The following MYO1D variants were observed in gnomAD, a reference collection of about 807,000 sequenced individuals.
MYO1D encodes the protein myosin ID, also known as unconventional myosin-Id.
A neutral mutation model predicts 122.0 loss-of-function variants in MYO1D; 83 were observed. That is an observed-to-expected ratio of 0.68 (90% CI 0.57 to 0.82). MYO1D has a LOEUF of 0.82. Among genes scored for constraint, MYO1D ranks in the 40% least tolerant of loss-of-function variants. MYO1D has a pLI of 0.00. For synonymous variants in MYO1D, 464 were observed against 446.9 expected, an observed-to-expected ratio of 1.04 and a Z score of -0.48; for missense variants, 1,157 against 1,269.5, an observed-to-expected ratio of 0.91 and a Z score of 1.35.
chr17:32,696,543 C>T (rs1295315532), intron 16 of MYO1D, among the ~76,000 whole-genome samples: 2 of 152,312 alleles, frequency 1.3e-5, no homozygotes, highest in Non-Finnish European at 2.9e-5. Context: ...TTTAAGAAGA[C>T]AAGTCCTGAG....
intron 11 of MYO1D, among the ~76,000 whole-genome samples, chr17:32,750,324 C>T (rs1598064098): frequency 6.6e-6 from 1 of 152,022 alleles, no homozygotes; most frequent in South Asian, 2.1e-4. Flanking sequence ...CAAAAGTTTC[C>T]CTGGGGAGGC....
chr17:32,654,334 G>T, intron 18 of MYO1D, 143 bp downstream of exon 18: 1 of 895,932 alleles, frequency 1.1e-6, no homozygotes, highest in Non-Finnish European at 1.7e-6. Context: ...ACATTTAGAA[G>T]CAATAAAATG....
intron 16 of MYO1D, among the ~76,000 whole-genome samples, chr17:32,671,874 C>T (rs1037372519): frequency 2.6e-5 from 4 of 152,162 alleles, no homozygotes; most frequent in African/African-American, 9.7e-5. Flanking sequence ...ATATGGATCC[C>T]GTCTTTATTT....
chr17:32,743,595 A>ATTATTATTATTATTATTG lies in MYO1D; in HGVS notation c.1613+1598_1613+1615dup, dbSNP rs1417579806. On this transcript the variant is annotated intron_variant, in intron 13 of 21. Coordinates refer to ENST00000318217, the MANE Select transcript of MYO1D (RefSeq NM_015194.3). Reference sequence around the variant, plus strand: ...CACTACCACCCAGGCCTCAGCCTGCATTATTATTATTATTATTGTTATTAT... The same window carrying ATTATTATTATTATTATTG: ...CACTACCACCCAGGCCTCAGCCTGCATTATTATTATTATTATTGTTATTATTATTATTATTGTTATTAT... Among the ~76,000 whole-genome samples the ATTATTATTATTATTATTG allele has an allele frequency of 1.3e-4, 19 of 150,876 alleles. No homozygotes were observed. In the East Asian group the frequency reaches 3.5e-3, roughly 28 times the overall value.
chr17:32,543,173 C>G (rs1910897040), intron 21 of MYO1D, among the ~76,000 whole-genome samples: 1 of 151,194 alleles, frequency 6.6e-6, no homozygotes, highest in Non-Finnish European at 1.5e-5. Flanking sequence ...TTGCAGTGAG[C>G]CAAGATCATG....
intron 21 of MYO1D, among the ~76,000 whole-genome samples, chr17:32,564,561 T>C (rs1038197640): frequency 1.3e-5 from 2 of 152,192 alleles, no homozygotes; most frequent in Non-Finnish European, 2.9e-5. Flanking sequence ...TCGGTATTTA[T>C]TTAGTGTTTC....
At chr17:32,739,762 G>A (rs747579046) in intron 13 of MYO1D, among the ~76,000 whole-genome samples, 1 of 152,016 alleles carries the variant, frequency 6.6e-6, no homozygotes, top group South Asian at 2.1e-4. Context: ...TAAAAATTGA[G>A]TTGGATCCCC....
chr17:32,618,572 C>T (rs982269985), intron 20 of MYO1D, among the ~76,000 whole-genome samples: 12 of 152,124 alleles, frequency 7.9e-5, no homozygotes, highest in African/African-American at 2.2e-4. Context: ...AATACAAATT[C>T]CTCTAGAGAG....
chr17:32,514,506 T>C (rs1909818731), intron 21 of MYO1D, among the ~76,000 whole-genome samples: 1 of 152,222 alleles, frequency 6.6e-6, no homozygotes, highest in African/African-American at 2.4e-5. Context: ...ACACTATTCT[T>C]AGAAGCAATA....
intron 1 of MYO1D, among the ~76,000 whole-genome samples, chr17:32,873,812 CATACAA>C (rs559701833): frequency 3.4e-4 from 52 of 152,278 alleles, no homozygotes; most frequent in Middle Eastern, 3.4e-3. Flanking sequence ...AGATGAGATA[CATACAA>C]ATACATATAC....
At chr17:32,830,608 C>T (rs2090763136) in intron 1 of MYO1D, among the ~76,000 whole-genome samples, 1 of 152,090 alleles carries the variant, frequency 6.6e-6, no homozygotes, top group African/African-American at 2.4e-5. Flanking sequence ...CATTTTTATT[C>T]TTTAAAATCA....
intron 21 of MYO1D, among the ~76,000 whole-genome samples, chr17:32,565,807 C>T (rs79338917): frequency 0.11 from 16,451 of 151,786 alleles, 1,102 homozygotes; most frequent in Non-Finnish European, 0.16. Context: ...TCACTGCAAC[C>T]CCTCCCAGGT....
chr17:32,514,757 T>C (rs1456388749), intron 21 of MYO1D, among the ~76,000 whole-genome samples: 1 of 152,254 alleles, frequency 6.6e-6, no homozygotes, highest in Non-Finnish European at 1.5e-5. Context: ...AGTTTAGTTA[T>C]AACACATCCG....
intron 16 of MYO1D, among the ~76,000 whole-genome samples, chr17:32,677,223 T>C (rs1263264086): frequency 6.6e-6 from 1 of 152,184 alleles, no homozygotes; most frequent in Non-Finnish European, 1.5e-5. Flanking sequence ...TACATGCCCA[T>C]ACAATTAATT....
At chr17:32,590,339 C>T (rs2087428556) in intron 21 of MYO1D, among the ~76,000 whole-genome samples, 1 of 152,200 alleles carries the variant, frequency 6.6e-6, no homozygotes, top group Non-Finnish European at 1.5e-5. Context: ...CTTGAAGACC[C>T]AACTGGGTGA....
Position 32,545,925 on chromosome 17 carries a change from C to T in MYO1D, c.2865-51010G>A, listed in dbSNP as rs113516287. 6.5e-4 allele frequency among the ~76,000 whole-genome samples: 99 copies of T among 151,926 alleles called. 2 individuals are homozygous for T. The highest frequency in any genetic ancestry group is 2.3e-3 in the African/African-American group (94 of 41,412). ...TGTCTTTTCTAAAGGACTTGGGGTA[C>T]TTGGGAGTATGCATCTGAAGCCCTG... On this transcript the variant is annotated intron_variant, in intron 21 of 21. Transcript: ENST00000318217.
At chr17:32,623,975 GAACAC>G (rs2087887957) in intron 20 of MYO1D, among the ~76,000 whole-genome samples, 1 of 152,060 alleles carries the variant, frequency 6.6e-6, no homozygotes, top group African/African-American at 2.4e-5. Context: ...AATTTTGGGG[GAACAC>G]CTTCAGACCT....
intron 21 of MYO1D, among the ~76,000 whole-genome samples, chr17:32,586,086 T>C (rs971007560): frequency 2.6e-5 from 4 of 152,180 alleles, no homozygotes; most frequent in African/African-American, 9.6e-5. Context: ...AGAACAAACC[T>C]TTCCCCATTG....
At chr17:32,697,429 T>C (rs760300836) in intron 16 of MYO1D, among the ~76,000 whole-genome samples, 1 of 152,326 alleles carries the variant, frequency 6.6e-6, no homozygotes, top group Admixed American at 6.5e-5. Flanking sequence ...CAGCATATTT[T>C]TGACCATAAA....
Sources: allele counts gnomAD v4.1 joint callset (sites outside exome capture counted in the v4.1 genomes callset), GRCh38; gene constraint gnomAD v4.1.1; transcripts MANE v1.5; gene names NCBI Gene and HGNC (gene_info 2026-07-23, HGNC 2026-07-21).